Variants in RBPMS observed in about 807,000 individuals in gnomAD.
The protein encoded by RBPMS is RNA binding protein, mRNA processing factor.
In RBPMS, 7 loss-of-function variants were observed where a neutral mutation model predicts 26.8. The observed-to-expected ratio is 0.26, with a 90% CI of 0.15 to 0.49. The LOEUF (loss-of-function observed/expected upper bound fraction) is 0.49. RBPMS is among the 20% of genes least tolerant of loss of function. The pLI is 0.98. For synonymous variants in RBPMS, 96 were observed against 93.3 expected (o/e 1.03, Z -0.17); for missense variants, 186 against 250.0 (o/e 0.74, Z 1.73).
At chr8:30,463,234 C>G (rs1049933282) in intron 1 of RBPMS, among the ~76,000 whole-genome samples, 1 of 152,188 alleles carries the variant, frequency 6.6e-6, no homozygotes, top group Non-Finnish European at 1.5e-5. Context: ...TTAATCCTTG[C>G]AAAAACTATG....
At chr8:30,561,087 TAAC>T (rs560044160) in intron 7 of RBPMS, among the ~76,000 whole-genome samples, 24 of 152,366 alleles carry the variant, frequency 1.6e-4, no homozygotes, top group African/African-American at 5.5e-4. Context: ...TGTCCTTTAT[TAAC>T]AATTCATGAT....
chr8:30,532,875 G>A lies in RBPMS; in HGVS notation c.398-11619G>A, dbSNP rs531598473. ...GTACATTCCGCTACCCACTCCCACCGAGGACCACCAGGATACATTCAGTTA... is the reference window on the plus strand; with the variant it reads ...GTACATTCCGCTACCCACTCCCACCAAGGACCACCAGGATACATTCAGTTA... On this transcript the variant is annotated intron_variant, in intron 5 of 8. Transcript: ENST00000397323. 2.4e-3 allele frequency among the ~76,000 whole-genome samples: 359 copies of A among 152,074 alleles called. 1 individual carries two copies. The highest frequency in any genetic ancestry group is 8.3e-3 in the African/African-American group (345 of 41,476).
chr8:30,477,923 C>A, intron 3 of RBPMS, 86 bp downstream of exon 3: 1 of 949,388 alleles, frequency 1.1e-6, no homozygotes, highest in Admixed American at 2.2e-5. Flanking sequence ...TTTTTATTCC[C>A]ATTAGAATTT....
intron 6 of RBPMS, chr8:30,545,738 G>A (rs1466079933): frequency 6.6e-6 from 1 of 152,200 alleles, no homozygotes; most frequent in Admixed American, 6.5e-5. Context: ...CGAGATTGTT[G>A]TTGGCTGAAC....
intron 5 of RBPMS, among the ~76,000 whole-genome samples, chr8:30,517,246 A>C: frequency 6.9e-6 from 1 of 144,284 alleles, no homozygotes; most frequent in African/African-American, 2.6e-5. Context: ...GTGAAATACC[A>C]TGTAACCAAA....
intron 5 of RBPMS, among the ~76,000 whole-genome samples, chr8:30,534,144 T>A: frequency 6.6e-6 from 1 of 151,060 alleles, no homozygotes; most frequent in African/African-American, 2.4e-5. Flanking sequence ...AAAAAAAAAT[T>A]GTTTTTGTAC....
At chr8:30,529,702 G>A (rs1054513552) in intron 5 of RBPMS, among the ~76,000 whole-genome samples, 6 of 150,754 alleles carry the variant, frequency 4.0e-5, no homozygotes, top group African/African-American at 1.5e-4. Context: ...TTCCCTTAGC[G>A]TAATGTCATC....
intron 1 of RBPMS, chr8:30,446,805 G>GTA (rs1285552701): frequency 3.2e-4 from 27 of 84,878 alleles, no homozygotes; most frequent in African/African-American, 1.8e-3. Flanking sequence ...TTGTGTGTGT[G>GTA]TGTGTGTGTG....
chr8:30,410,238 G>C (rs946801321), intron 1 of RBPMS, among the ~76,000 whole-genome samples: 1 of 146,318 alleles, frequency 6.8e-6, no homozygotes, highest in Non-Finnish European at 1.5e-5. Flanking sequence ...ACGGAGTCTC[G>C]CTCTGTTGCC....
intron 1 of RBPMS, among the ~76,000 whole-genome samples, chr8:30,388,054 C>T (rs2150532636): frequency 6.6e-6 from 1 of 152,146 alleles, no homozygotes; most frequent in South Asian, 2.1e-4. Context: ...AGAGATGATA[C>T]ATTTAACTTT....
chr8:30,511,486 A>AATATATATATATATATAT (rs869100800), intron 5 of RBPMS, among the ~76,000 whole-genome samples: 7 of 23,564 alleles, frequency 3.0e-4, no homozygotes, highest in African/African-American at 1.2e-3. Flanking sequence ...AAAAAAAAAA[A>AATATATATATATATATAT]ATATATATAT....
intron 1 of RBPMS, among the ~76,000 whole-genome samples, chr8:30,472,149 A>G (rs1817181885): frequency 6.6e-6 from 1 of 152,248 alleles, no homozygotes; most frequent in South Asian, 2.1e-4. Flanking sequence ...CAAAACTAGA[A>G]TAACCTAAAT....
intron 5 of RBPMS, among the ~76,000 whole-genome samples, chr8:30,512,696 C>T (rs1821847019): frequency 6.6e-6 from 1 of 152,168 alleles, no homozygotes; most frequent in Admixed American, 6.5e-5. Context: ...CGCTAGGCCT[C>T]CCAAAGTGCT....
chr8:30,388,061 C>T (rs1807320708), intron 1 of RBPMS, among the ~76,000 whole-genome samples: 1 of 152,072 alleles, frequency 6.6e-6, no homozygotes, highest in South Asian at 2.1e-4. Flanking sequence ...ATACATTTAA[C>T]TTTCCGATTT....
chr8:30,420,859 A>G (rs1207036662), intron 1 of RBPMS, among the ~76,000 whole-genome samples: 1 of 152,226 alleles, frequency 6.6e-6, no homozygotes, highest in Non-Finnish European at 1.5e-5. Flanking sequence ...TTGAAGGGTC[A>G]TCAGGGCAGA....
intron 1 of RBPMS, among the ~76,000 whole-genome samples, chr8:30,390,007 T>A (rs758003248): frequency 6.6e-5 from 10 of 152,184 alleles, no homozygotes; most frequent in Admixed American, 1.3e-4. Context: ...TGTTGTAATA[T>A]TAAATGAAAA....
intron 6 of RBPMS, among the ~76,000 whole-genome samples, chr8:30,548,556 G>A (rs1005539115): frequency 3.3e-5 from 5 of 152,206 alleles, no homozygotes; most frequent in African/African-American, 1.2e-4. Flanking sequence ...TAAACCAAAG[G>A]TTTTAAAATT....
At chr8:30,567,829 T>C (rs1325181441) in intron 8 of RBPMS, among the ~76,000 whole-genome samples, 2 of 152,192 alleles carry the variant, frequency 1.3e-5, no homozygotes, top group Non-Finnish European at 2.9e-5. Flanking sequence ...GCAGCCAGCA[T>C]GGAGGGGAGC....
chr8:30,447,149 T>C (rs1356665306), intron 1 of RBPMS, among the ~76,000 whole-genome samples: 8 of 152,192 alleles, frequency 5.3e-5, no homozygotes, highest in Non-Finnish European at 1.0e-4. Context: ...GGTTTGAGTA[T>C]CCAAAATAAT....
Sources: allele counts gnomAD v4.1 joint callset (sites outside exome capture counted in the v4.1 genomes callset), GRCh38; gene constraint gnomAD v4.1.1; transcripts MANE v1.5; gene names NCBI Gene and HGNC (gene_info 2026-07-23, HGNC 2026-07-21).